Variants in MAGI2 observed in about 807,000 individuals in gnomAD.
MAGI2 encodes the protein membrane-associated guanylate kinase, WW and PDZ domain-containing protein 2.
MAGI2 carries 35 observed loss-of-function variants against 133.3 expected under a neutral mutation model. That is an observed-to-expected ratio of 0.26 (90% CI 0.20 to 0.35). The LOEUF is 0.35. Ranked by LOEUF, MAGI2 falls within the 10% of genes least tolerant of loss-of-function variation. The probability of loss-of-function intolerance (pLI) is 1.00; values close to 1 mark genes in which losing one functional copy is unlikely to be tolerated. For missense variants in MAGI2, 1,636 were observed against 1,863.4 expected (o/e 0.88, Z 2.25); for synonymous variants, 729 against 710.6 (o/e 1.03, Z -0.41).
chr7:79,368,762 G>A (rs1842881187), intron 1 of MAGI2, among the ~76,000 whole-genome samples: 2 of 147,996 alleles, frequency 1.4e-5, no homozygotes, highest in African/African-American at 5.0e-5. Context: ...GCAGGAGAAT[G>A]GCGTGAACCC....
At chr7:78,969,820 G>A (rs955863144) in intron 2 of MAGI2, among the ~76,000 whole-genome samples, 3 of 151,982 alleles carry the variant, frequency 2.0e-5, no homozygotes, top group Non-Finnish European at 4.4e-5. Flanking sequence ...TAGTAACGGT[G>A]ATAATGTTAG....
chr7:79,080,150 G>A (rs766279168), intron 1 of MAGI2, among the ~76,000 whole-genome samples: 3 of 151,946 alleles, frequency 2.0e-5, no homozygotes, highest in African/African-American at 7.3e-5. Flanking sequence ...ATTATATGAG[G>A]CATCTGTTTA....
intron 1 of MAGI2, among the ~76,000 whole-genome samples, chr7:79,278,338 G>A (rs1395084247): frequency 2.0e-5 from 3 of 152,126 alleles, no homozygotes; most frequent in African/African-American, 7.2e-5. Context: ...AGCTTGCAGA[G>A]CTGTGAGCCA....
At chr7:78,109,313 A>T (rs1454757286) in intron 20 of MAGI2, among the ~76,000 whole-genome samples, 2 of 115,176 alleles carry the variant, frequency 1.7e-5, no homozygotes, top group African/African-American at 8.1e-5. Context: ...CAAAAAAAAA[A>T]AAAAAAAAAA....
chr7:79,161,957 T>C (rs1436771863), intron 1 of MAGI2, among the ~76,000 whole-genome samples: 1 of 152,058 alleles, frequency 6.6e-6, no homozygotes, highest in African/African-American at 2.4e-5. Context: ...ATATGGTCAA[T>C]TAATTCTTGC....
At chr7:78,249,727 G>GT (rs1434989989) in intron 10 of MAGI2, among the ~76,000 whole-genome samples, 1 of 152,032 alleles carries the variant, frequency 6.6e-6, no homozygotes, top group Non-Finnish European at 1.5e-5. Flanking sequence ...GAGGGGTAGG[G>GT]GGAAATTGTA....
At chr7:79,321,354 ATAATT>A (rs1458582841) in intron 1 of MAGI2, among the ~76,000 whole-genome samples, 2 of 152,196 alleles carry the variant, frequency 1.3e-5, no homozygotes, top group African/African-American at 4.8e-5. Context: ...GTGCTTTGAC[ATAATT>A]TAATATTCAA....
chr7:79,289,027 C>A (rs1172818616), intron 1 of MAGI2, among the ~76,000 whole-genome samples: 1 of 152,106 alleles, frequency 6.6e-6, no homozygotes, highest in East Asian at 1.9e-4. Context: ...AATTTACCGA[C>A]CCCTGGCAAA....
chr7:79,073,060 AC>A (rs1396150748), intron 1 of MAGI2, among the ~76,000 whole-genome samples: 1 of 152,208 alleles, frequency 6.6e-6, no homozygotes, highest in African/African-American at 2.4e-5. Flanking sequence ...AACAAAAAAA[AC>A]AAAGGCTAAG....
intron 3 of MAGI2, among the ~76,000 whole-genome samples, chr7:78,578,607 C>G (rs1802512811): frequency 1.3e-5 from 2 of 151,832 alleles, no homozygotes; most frequent in South Asian, 4.2e-4. Flanking sequence ...AGGATATATA[C>G]AGAGAGAAAT....
At chr7:78,419,001 G>A (rs1391865894) in intron 6 of MAGI2, among the ~76,000 whole-genome samples, 3 of 152,048 alleles carry the variant, frequency 2.0e-5, no homozygotes. Flanking sequence ...TAAATTGCCT[G>A]GAAATTAGGA....
intron 6 of MAGI2, among the ~76,000 whole-genome samples, chr7:78,386,245 A>G (rs1795379787): frequency 6.6e-6 from 1 of 152,160 alleles, no homozygotes; most frequent in Non-Finnish European, 1.5e-5. Context: ...TCCATACAGC[A>G]TATATATATT....
chr7:78,157,260 C>T (rs999830817), intron 16 of MAGI2, among the ~76,000 whole-genome samples: 4 of 152,072 alleles, frequency 2.6e-5, no homozygotes, highest in African/African-American at 9.7e-5. Context: ...AAGAAATAAA[C>T]ATGTGAAGAA....
chr7:78,594,116 C>CA (rs1804337056), intron 3 of MAGI2, among the ~76,000 whole-genome samples: 1 of 152,314 alleles, frequency 6.6e-6, no homozygotes, highest in African/African-American at 2.4e-5. Context: ...ACCTATATCC[C>CA]ACTTCACATT....
chr7:79,365,907 A>T (rs529601346), intron 1 of MAGI2, among the ~76,000 whole-genome samples: 1 of 145,814 alleles, frequency 6.9e-6, no homozygotes, highest in Non-Finnish European at 1.5e-5. Context: ...AAATAGTGAT[A>T]GATGTGTCAA....
intron 1 of MAGI2, among the ~76,000 whole-genome samples, chr7:79,259,464 T>C (rs1190959960): frequency 3.3e-5 from 5 of 152,344 alleles, no homozygotes; most frequent in Admixed American, 2.6e-4. Flanking sequence ...GGCATACCTA[T>C]TATAATTAAT....
chr7:78,024,726 C>A (rs992114510), intron 21 of MAGI2, among the ~76,000 whole-genome samples: 1 of 152,100 alleles, frequency 6.6e-6, no homozygotes. Context: ...TTTCATAAAC[C>A]CTTGGGGATA....
At chr7:78,895,949 A>G (rs1797181445) in intron 2 of MAGI2, among the ~76,000 whole-genome samples, 1 of 152,248 alleles carries the variant, frequency 6.6e-6, no homozygotes, top group African/African-American at 2.4e-5. Flanking sequence ...ATCAAATTAT[A>G]TAAGTAATGA....
At chr7:78,069,577 C>T (rs1814265234) in intron 21 of MAGI2, among the ~76,000 whole-genome samples, 1 of 130,470 alleles carries the variant, frequency 7.7e-6, no homozygotes, top group Admixed American at 7.4e-5. Flanking sequence ...AGAGAGGCTT[C>T]TGATTCCTCT....
Sources: gnomAD v4.1 joint callset for allele counts (sites outside exome capture counted in the v4.1 genomes callset) on GRCh38, gnomAD v4.1.1 for gene constraint, MANE v1.5 for transcripts, NCBI Gene and HGNC (gene_info 2026-07-23, HGNC 2026-07-21) for gene names.